NKAIN3: variants seen among roughly 807,000 people sequenced by gnomAD.
NKAIN3 encodes sodium/potassium transporting ATPase interacting 3, also known as sodium/potassium-transporting ATPase subunit beta-1-interacting protein 3.
Under a neutral mutation model 30.2 loss-of-function variants are expected in NKAIN3, and 25 were observed. The observed-to-expected ratio is 0.83, with a 90% CI of 0.60 to 1.16. The LOEUF (loss-of-function observed/expected upper bound fraction) is 1.16. Ranked by LOEUF, NKAIN3 falls within the 50% of genes most tolerant of loss-of-function variation. NKAIN3 has a pLI of 0.00. For synonymous variants in NKAIN3, 91 were observed against 89.6 expected (o/e 1.02, Z -0.09); for missense variants, 225 against 254.1 (o/e 0.89, Z 0.78).
intron 3 of NKAIN3, among the ~76,000 whole-genome samples, chr8:62,721,642 T>C (rs1296714594): frequency 6.6e-6 from 1 of 152,204 alleles, no homozygotes. Flanking sequence ...ATTGCCTTTG[T>C]ATTGTAGATA....
At chr8:62,532,258 G>C (rs1808510956) in intron 1 of NKAIN3, among the ~76,000 whole-genome samples, 1 of 152,102 alleles carries the variant, frequency 6.6e-6, no homozygotes, top group South Asian at 2.1e-4. Flanking sequence ...CAGCCTCATG[G>C]TACCAGGGTA....
chr8:62,275,969 C>A (rs765324405), intron 1 of NKAIN3, among the ~76,000 whole-genome samples: 3 of 152,068 alleles, frequency 2.0e-5, no homozygotes, highest in Non-Finnish European at 2.9e-5. Context: ...TTTAATAATA[C>A]CCAAAAGGTT....
chr8:62,341,158 A>T (rs1815732949), intron 1 of NKAIN3, among the ~76,000 whole-genome samples: 1 of 152,076 alleles, frequency 6.6e-6, no homozygotes, highest in Non-Finnish European at 1.5e-5. Flanking sequence ...AAGACAAGTT[A>T]CACAAGTGAC....
intron 4 of NKAIN3, among the ~76,000 whole-genome samples, chr8:62,852,870 C>T (rs999945971): frequency 1.3e-5 from 2 of 152,080 alleles, no homozygotes; most frequent in Non-Finnish European, 2.9e-5. Context: ...TGCTTAACTT[C>T]CAAGTATGTG....
chr8:62,415,133 TAG>T (rs1554528465), intron 1 of NKAIN3, among the ~76,000 whole-genome samples: 1 of 73,332 alleles, frequency 1.4e-5, no homozygotes, highest in Non-Finnish European at 3.4e-5. Flanking sequence ...TAATATACTA[TAG>T]TATATATGTA....
chr8:62,443,312 T>C (rs183028987), intron 1 of NKAIN3, among the ~76,000 whole-genome samples: 1 of 152,218 alleles, frequency 6.6e-6, no homozygotes, highest in East Asian at 1.9e-4. Flanking sequence ...TTTCGTAGTA[T>C]TATATATTGT....
intron 1 of NKAIN3, among the ~76,000 whole-genome samples, chr8:62,442,329 T>C (rs1415249637): frequency 6.6e-6 from 1 of 152,016 alleles, no homozygotes; most frequent in East Asian, 1.9e-4. Context: ...TGGCATTTTA[T>C]ATTTTTCTAG....
intron 4 of NKAIN3, among the ~76,000 whole-genome samples, chr8:62,806,642 T>C (rs879482287): frequency 2.0e-5 from 3 of 151,900 alleles, no homozygotes; most frequent in Non-Finnish European, 4.4e-5. Flanking sequence ...CATCACACTC[T>C]GGGTACTGTT....
At chr8:62,960,205 T>C (rs1823531858) in intron 6 of NKAIN3, among the ~76,000 whole-genome samples, 2 of 152,222 alleles carry the variant, frequency 1.3e-5, no homozygotes. Flanking sequence ...AGAGTGCAAC[T>C]GGCAACATGC....
chr8:62,674,584 G>T (rs941678473), intron 3 of NKAIN3, among the ~76,000 whole-genome samples: 15 of 152,154 alleles, frequency 9.9e-5, no homozygotes, highest in Non-Finnish European at 1.9e-4. Context: ...GCAAGGAAGT[G>T]AATAATTAAC....
chr8:62,821,100 C>T (rs11994997), intron 4 of NKAIN3, among the ~76,000 whole-genome samples: 3,052 of 152,168 alleles, frequency 0.02, 112 homozygotes, highest in African/African-American at 0.07. Flanking sequence ...TATAAAATGA[C>T]AGTTGAGGTA....
At chr8:62,919,841 A>C (rs1470476259) in intron 5 of NKAIN3, among the ~76,000 whole-genome samples, 2 of 151,986 alleles carry the variant, frequency 1.3e-5, no homozygotes, top group Admixed American at 6.6e-5. Context: ...AGACCCTGAG[A>C]TTAAAAGTAT....
chr8:62,377,448 A>G (rs1817124308), intron 1 of NKAIN3, among the ~76,000 whole-genome samples: 1 of 152,160 alleles, frequency 6.6e-6, no homozygotes, highest in Non-Finnish European at 1.5e-5. Flanking sequence ...AGTTTCAGTC[A>G]TTTTCAAGTA....
intron 1 of NKAIN3, among the ~76,000 whole-genome samples, chr8:62,468,669 A>G (rs1806233278): frequency 6.6e-6 from 1 of 152,218 alleles, no homozygotes; most frequent in African/African-American, 2.4e-5. Flanking sequence ...TTTAGTATTT[A>G]TTTATTCAAA....
chr8:62,295,817 T>G (rs1813808569), intron 1 of NKAIN3, among the ~76,000 whole-genome samples: 1 of 152,194 alleles, frequency 6.6e-6, no homozygotes, highest in Admixed American at 6.6e-5. Flanking sequence ...GTTTGTGTAT[T>G]CAAGAATGTT....
At chr8:62,373,837 G>A (rs1442418638) in intron 1 of NKAIN3, among the ~76,000 whole-genome samples, 2 of 152,140 alleles carry the variant, frequency 1.3e-5, no homozygotes, top group East Asian at 1.9e-4. Context: ...TCTTGGCCGG[G>A]TGCGGTGGCC....
intron 3 of NKAIN3, among the ~76,000 whole-genome samples, chr8:62,597,429 T>A (rs1810867408): frequency 6.6e-6 from 1 of 152,120 alleles, no homozygotes; most frequent in Non-Finnish European, 1.5e-5. Flanking sequence ...TTTTTATTTC[T>A]TCAAAGTTGA....
At chr8:62,535,066 G>A (rs1251760918) in intron 1 of NKAIN3, among the ~76,000 whole-genome samples, 1 of 151,946 alleles carries the variant, frequency 6.6e-6, no homozygotes, top group Admixed American at 6.6e-5. Flanking sequence ...TGTCTTTATG[G>A]AGTCATTACT....
chr8:62,782,551 A>C (rs949535753), intron 4 of NKAIN3, among the ~76,000 whole-genome samples: 4 of 151,984 alleles, frequency 2.6e-5, no homozygotes, highest in African/African-American at 9.7e-5. Context: ...ATGGATAAAG[A>C]AAATGTGGCA....
Sources: gnomAD v4.1 joint callset for allele counts (sites outside exome capture counted in the v4.1 genomes callset) on GRCh38, gnomAD v4.1.1 for gene constraint, MANE v1.5 for transcripts, NCBI Gene and HGNC (gene_info 2026-07-23, HGNC 2026-07-21) for gene names.